Variants in CBFA2T2 observed in about 807,000 individuals in gnomAD.
CBFA2T2 encodes the protein protein CBFA2T2.
A neutral mutation model predicts 62.2 loss-of-function variants in CBFA2T2; 11 were observed. The ratio of observed to expected loss-of-function variants is 0.18; its 90% CI spans 0.11 to 0.29. The LOEUF is 0.29. Among genes scored for constraint, CBFA2T2 ranks in the 10% least tolerant of loss-of-function variants. The probability of loss-of-function intolerance (pLI) is 1.00; values close to 1 mark genes in which losing one functional copy is unlikely to be tolerated. For missense variants in CBFA2T2, 592 were observed against 774.1 expected (o/e 0.76, Z 2.79); for synonymous variants, 295 against 287.5 (o/e 1.03, Z -0.27).
In CBFA2T2 at chr20:33,642,556, G is replaced by A. The variant is rs537581556; in HGVS notation, c.1489-1791G>A. Among the ~76,000 whole-genome samples the A allele has an allele frequency of 4.6e-5, 7 of 151,754 alleles. No individual in the cohort carries two copies. The South Asian group carries it at 8.3e-4, about 18-fold the overall frequency. On this transcript the variant is annotated intron_variant, in intron 10 of 10. Coordinates refer to ENST00000342704, the MANE Select transcript of CBFA2T2 (RefSeq NM_001032999.3). ...AGGAGGTGCAAGCCTGACCATGATC[G>A]TAACACTGCATTCCAGCCTGGGTGG... is the stretch of plus-strand genomic sequence containing the variant.
chr20:33,614,004 G>GCTGT (rs1278559798), intron 3 of CBFA2T2, among the ~76,000 whole-genome samples: 4 of 151,682 alleles, frequency 2.6e-5, no homozygotes, highest in Non-Finnish European at 4.4e-5. Context: ...CTCACACAGT[G>GCTGT]AAACCCCATC....
intron 9 of CBFA2T2, 40 bp from the exon 10 acceptor site, chr20:33,640,301 G>A: frequency 6.3e-7 from 1 of 1,582,920 alleles, no homozygotes; most frequent in Non-Finnish European, 8.6e-7. Context: ...GGAGGGAAAA[G>A]ATTTCTCGGC....
chr20:33,576,989 C>CA (rs1555837441), intron 1 of CBFA2T2, among the ~76,000 whole-genome samples: 1 of 152,006 alleles, frequency 6.6e-6, no homozygotes, highest in Non-Finnish European at 1.5e-5. Flanking sequence ...AGTTCAATGC[C>CA]AAAAAAAGAT....
intron 1 of CBFA2T2, among the ~76,000 whole-genome samples, chr20:33,564,751 G>T (rs1600977200): frequency 1.4e-5 from 2 of 143,122 alleles, no homozygotes; most frequent in Admixed American, 1.4e-4. Flanking sequence ...AGCTAATTTT[G>T]GTAGTTTTTA....
At chr20:33,583,286 A>G (rs2146916440) in intron 1 of CBFA2T2, among the ~76,000 whole-genome samples, 1 of 152,370 alleles carries the variant, frequency 6.6e-6, no homozygotes, top group Admixed American at 6.5e-5. Flanking sequence ...CAGTTGTTTT[A>G]GTAGTCATTA....
intron 1 of CBFA2T2, chr20:33,573,891 C>T (rs1357317178): frequency 7.4e-6 from 2 of 271,208 alleles, no homozygotes; most frequent in Non-Finnish European, 7.1e-6. Context: ...GGTAGTTGTC[C>T]CACCTCAGCC....
intron 1 of CBFA2T2, among the ~76,000 whole-genome samples, chr20:33,490,612 C>T (rs556556194): frequency 1.3e-5 from 2 of 152,292 alleles, no homozygotes; most frequent in East Asian, 3.9e-4. Flanking sequence ...TTTTGTTGTC[C>T]CAGCGCTGGG....
At position 33,645,609 on chromosome 20, in the gene CBFA2T2, T is replaced by C. The variant is rs907857572; in HGVS notation, c.*963T>C. 1 of 152,226 alleles carries C rather than the reference T, an allele frequency of 6.6e-6. No individual in the cohort carries two copies. Among genetic ancestry groups the C allele is most frequent in the Non-Finnish European group, 1.5e-5 (1 of 68,046 alleles). 9.4% of individuals were successfully genotyped at this position (152,226 alleles called of 1,614,324 possible). A position where few individuals can be genotyped will look rare whatever the true frequency, so the allele number is the denominator to read the frequency against. The stretch of plus-strand genomic sequence containing the variant: ...GAACGCTGTGGGCATCTTCTGCCCA[T>C]GGGCTCCATTTGGCACCTGCTGAGC... On this transcript the variant is annotated 3_prime_UTR_variant, in exon 11 of 11. Transcript: ENST00000342704.
intron 6 of CBFA2T2, among the ~76,000 whole-genome samples, chr20:33,626,682 T>TG (rs1187528056): frequency 2.6e-5 from 4 of 152,176 alleles, no homozygotes; most frequent in African/African-American, 9.7e-5. Flanking sequence ...TATACCTTGT[T>TG]GAGTAAAAAA....
chr20:33,571,063 C>T (rs1285083103), intron 1 of CBFA2T2, among the ~76,000 whole-genome samples: 3 of 152,192 alleles, frequency 2.0e-5, no homozygotes, highest in Non-Finnish European at 4.4e-5. Context: ...GACTGACCTT[C>T]TAGAAATGTT....
intron 8 of CBFA2T2, among the ~76,000 whole-genome samples, chr20:33,636,115 G>T (rs1439257991): frequency 6.6e-6 from 1 of 151,998 alleles, no homozygotes. Flanking sequence ...GAATAGCCAG[G>T]CAGGGTGGCG....
chr20:33,609,845 A>T (rs2015461721), intron 2 of CBFA2T2, among the ~76,000 whole-genome samples: 1 of 152,214 alleles, frequency 6.6e-6, no homozygotes, highest in Non-Finnish European at 1.5e-5. Context: ...TTGGCTCTTT[A>T]AACATTGCTT....
At chr20:33,544,935 T>TAGAAC (rs2012498149) in intron 1 of CBFA2T2, among the ~76,000 whole-genome samples, 2 of 141,692 alleles carry the variant, frequency 1.4e-5, no homozygotes, top group African/African-American at 5.5e-5. Flanking sequence ...CATGAGTGAA[T>TAGAAC]AGAATAGAAC....
chr20:33,575,558 T>C (rs1160410091), intron 1 of CBFA2T2, among the ~76,000 whole-genome samples: 1 of 152,172 alleles, frequency 6.6e-6, no homozygotes, highest in Non-Finnish European at 1.5e-5. Context: ...TGTACTGTAT[T>C]GCAGTTAGTT....
chr20:33,572,867 T>C (rs1334156488), intron 1 of CBFA2T2, among the ~76,000 whole-genome samples: 1 of 152,206 alleles, frequency 6.6e-6, no homozygotes, highest in African/African-American at 2.4e-5. Context: ...CTTCCTGTCA[T>C]ATAGAGAAAG....
At chr20:33,494,274 T>TATATATATA (rs1267232226) in intron 1 of CBFA2T2, among the ~76,000 whole-genome samples, 16 of 26,334 alleles carry the variant, frequency 6.1e-4, no homozygotes, top group Admixed American at 1.1e-3. Context: ...TATATATATA[T>TATATATATA]TTTTTTTTTT....
At chr20:33,562,706 A>G in intron 1 of CBFA2T2, 1 of 980,874 alleles carries the variant, frequency 1.0e-6, no homozygotes, top group Non-Finnish European at 1.2e-6. Flanking sequence ...TTTGGGGGTT[A>G]AAGTGCACAA....
chr20:33,584,915 A>G lies in CBFA2T2; in HGVS notation c.35-22041A>G, dbSNP rs527288303. On this transcript the variant is annotated intron_variant, in intron 1 of 10. Coordinates refer to ENST00000342704, the MANE Select transcript of CBFA2T2 (RefSeq NM_001032999.3). ...GGGTAACTTAGATGCCTTTTATCAT[A>G]TTACCAAGTTGCTGAGATTGTAACC... is the stretch of plus-strand genomic sequence containing the variant. Among the ~76,000 whole-genome samples the G allele has an allele frequency of 2.0e-5, 3 of 152,270 alleles. No individual in the cohort carries two copies. The South Asian group carries it at 6.2e-4, about 32-fold the overall frequency.
At chr20:33,589,739 C>A (rs2014531190) in intron 1 of CBFA2T2, among the ~76,000 whole-genome samples, 1 of 152,144 alleles carries the variant, frequency 6.6e-6, no homozygotes, top group Non-Finnish European at 1.5e-5. Context: ...CTGAATCCAG[C>A]CACTGCCTCA....
Sources: allele counts gnomAD v4.1 joint callset (sites outside exome capture counted in the v4.1 genomes callset), GRCh38; gene constraint gnomAD v4.1.1; transcripts MANE v1.5; gene names NCBI Gene and HGNC (gene_info 2026-07-23, HGNC 2026-07-21).